The following ROBO2 variants were observed in gnomAD, a reference collection of about 807,000 sequenced individuals.
The protein encoded by ROBO2 is roundabout guidance receptor 2.
A neutral mutation model predicts 160.8 loss-of-function variants in ROBO2; 53 were observed. The observed-to-expected ratio is 0.33, with a 90% CI of 0.26 to 0.41. ROBO2 has a LOEUF of 0.41. Ranked by LOEUF, ROBO2 falls within the 10% of genes least tolerant of loss-of-function variation. The pLI, the probability that ROBO2 is intolerant of heterozygous loss-of-function variation, is 1.00. For missense variants in ROBO2, 1,577 were observed against 1,722.4 expected (o/e 0.92, Z 1.49); for synonymous variants, 664 against 611.7 (o/e 1.09, Z -1.26).
intron 2 of ROBO2, among the ~76,000 whole-genome samples, chr3:76,424,005 A>G (rs1172950581): frequency 6.6e-6 from 1 of 152,156 alleles, no homozygotes; most frequent in Non-Finnish European, 1.5e-5. Context: ...TGGGCCTCCA[A>G]AACGTCGATG....
intron 2 of ROBO2, among the ~76,000 whole-genome samples, chr3:76,939,111 T>A (rs1423249282): frequency 5.3e-5 from 8 of 152,066 alleles, no homozygotes; most frequent in Non-Finnish European, 1.0e-4. Flanking sequence ...TGTAATAGAA[T>A]TGATATAATG....
At chr3:76,369,494 C>T (rs2075995319) in intron 2 of ROBO2, among the ~76,000 whole-genome samples, 1 of 151,958 alleles carries the variant, frequency 6.6e-6, no homozygotes, top group Non-Finnish European at 1.5e-5. Context: ...AGTTAGATCT[C>T]TTTCTCAGAA....
At chr3:76,699,443 C>T (rs149479301) in intron 2 of ROBO2, among the ~76,000 whole-genome samples, 2 of 152,094 alleles carry the variant, frequency 1.3e-5, no homozygotes, top group Admixed American at 6.6e-5. Context: ...TTTATTTGGA[C>T]GTTCTGATAT....
chr3:77,048,941 C>T (rs2064954273), intron 1 of ROBO2, among the ~76,000 whole-genome samples: 2 of 152,130 alleles, frequency 1.3e-5, no homozygotes, highest in Non-Finnish European at 2.9e-5. Context: ...TGTGTAATTT[C>T]CAAGGTCTCC....
chr3:76,517,475 T>G (rs1312069533), intron 2 of ROBO2, among the ~76,000 whole-genome samples: 2 of 152,130 alleles, frequency 1.3e-5, no homozygotes, highest in Admixed American at 6.6e-5. Flanking sequence ...GCTTGAGGCC[T>G]TAGAGAAGTT....
At chr3:77,085,978 T>G (rs1250125583) in intron 1 of ROBO2, among the ~76,000 whole-genome samples, 3 of 152,094 alleles carry the variant, frequency 2.0e-5, no homozygotes, top group Non-Finnish European at 2.9e-5. Flanking sequence ...ATCTCTAAAC[T>G]TATAATGGAA....
At chr3:77,055,404 T>C (rs1211362310) in intron 1 of ROBO2, among the ~76,000 whole-genome samples, 5 of 152,146 alleles carry the variant, frequency 3.3e-5, no homozygotes, top group Non-Finnish European at 7.3e-5. Context: ...ACTCCTTTTC[T>C]GGGGAGTCAT....
At chr3:76,886,036 C>T (rs2073847045) in intron 2 of ROBO2, among the ~76,000 whole-genome samples, 1 of 152,136 alleles carries the variant, frequency 6.6e-6, no homozygotes, top group Non-Finnish European at 1.5e-5. Context: ...CCAAGGTAGA[C>T]TGAGGTACAG....
intron 2 of ROBO2, among the ~76,000 whole-genome samples, chr3:77,158,409 C>T (rs187780283): frequency 6.8e-4 from 103 of 152,100 alleles, no homozygotes; most frequent in African/African-American, 2.1e-3. Context: ...GAAAAACAGA[C>T]GGCAAACCAT....
At chr3:76,591,731 A>G (rs1203779858) in intron 2 of ROBO2, among the ~76,000 whole-genome samples, 6 of 152,080 alleles carry the variant, frequency 3.9e-5, no homozygotes, top group African/African-American at 7.2e-5. Flanking sequence ...AATTGGGAAC[A>G]TTTTCTCTGA....
intron 2 of ROBO2, among the ~76,000 whole-genome samples, chr3:77,308,149 C>T (rs1233378216): frequency 6.7e-6 from 1 of 149,032 alleles, no homozygotes; most frequent in African/African-American, 2.5e-5. Context: ...ATTAAATCTG[C>T]ATATAAGGAG....
chr3:76,476,852 G>T (rs942921237), intron 2 of ROBO2, among the ~76,000 whole-genome samples: 2 of 150,198 alleles, frequency 1.3e-5, no homozygotes, highest in Non-Finnish European at 3.0e-5. Context: ...GAAAAAAAAT[G>T]ATTTTATAGA....
chr3:76,688,610 T>C (rs1331447790), intron 2 of ROBO2, among the ~76,000 whole-genome samples: 1 of 151,528 alleles, frequency 6.6e-6, no homozygotes, highest in African/African-American at 2.4e-5. Flanking sequence ...GTGGTGTGTG[T>C]GTGTGTGTGT....
At chr3:77,633,798 A>G (rs1281086886) in intron 23 of ROBO2, 4 of 152,220 alleles carry the variant, frequency 2.6e-5, no homozygotes, top group Admixed American at 1.3e-4. Context: ...GTCTTGCATT[A>G]TAAGGCATAA....
chr3:77,468,581 C>T lies in ROBO2; in HGVS notation c.389-8833C>T, dbSNP rs185471642. Among the ~76,000 whole-genome samples the T allele has an allele frequency of 6.6e-5, 10 of 152,182 alleles. No individual in the cohort carries two copies. In the East Asian group the frequency reaches 1.4e-3, roughly 21 times the overall value. On this transcript the variant is annotated intron_variant, in intron 2 of 25. Coordinates refer to ENST00000461745, the Ensembl canonical transcript of ROBO2. ...TTATATTGTGGGTGAGGACAGAACA[C>T]GGCTAAAAAAAGGATTCAAGAATAA...
intron 2 of ROBO2, among the ~76,000 whole-genome samples, chr3:75,969,305 T>C (rs1288172104): frequency 6.6e-6 from 1 of 151,258 alleles, no homozygotes; most frequent in Non-Finnish European, 1.5e-5. Context: ...TATACTGATT[T>C]CAGTTCCTTT....
intron 2 of ROBO2, among the ~76,000 whole-genome samples, chr3:77,323,902 A>G (rs1370988484): frequency 1.3e-5 from 2 of 152,160 alleles, no homozygotes; most frequent in East Asian, 1.9e-4. Flanking sequence ...AATTCCAAAC[A>G]TGTTTTTCTG....
intron 2 of ROBO2, among the ~76,000 whole-genome samples, chr3:76,630,402 A>G (rs1288707088): frequency 6.6e-6 from 1 of 152,200 alleles, no homozygotes; most frequent in African/African-American, 2.4e-5. Context: ...GTATTTGCTA[A>G]TCTCTCTTAA....
At chr3:76,586,004 A>G (rs2086013000) in intron 2 of ROBO2, among the ~76,000 whole-genome samples, 2 of 152,190 alleles carry the variant, frequency 1.3e-5, no homozygotes, top group Admixed American at 1.3e-4. Flanking sequence ...TTAACAGGAT[A>G]TGGGAAGTAA....
Sources: gnomAD v4.1 joint callset for allele counts (sites outside exome capture counted in the v4.1 genomes callset) on GRCh38, gnomAD v4.1.1 for gene constraint, MANE v1.5 for transcripts, NCBI Gene and HGNC (gene_info 2026-07-23, HGNC 2026-07-21) for gene names.